Variants in UGT2A3 observed in about 807,000 individuals in gnomAD.
UGT2A3 encodes the protein UDP-glucuronosyltransferase 2A3.
UGT2A3 carries 55 observed loss-of-function variants against 44.1 expected under a neutral mutation model. The observed-to-expected ratio is 1.25, with a 90% CI of 1.00 to 1.56. UGT2A3 has a LOEUF of 1.56. Ranked by LOEUF, UGT2A3 falls within the 40% of genes most tolerant of loss-of-function variation. The pLI, the probability that UGT2A3 is intolerant of heterozygous loss-of-function variation, is 0.00. For synonymous variants in UGT2A3, 243 were observed against 215.1 expected (o/e 1.13, Z -1.13); for missense variants, 733 against 621.6 (o/e 1.18, Z -1.91).
At chr4:68,933,211 CAGA>C (rs1417652070) in intron 2 of UGT2A3, among the ~76,000 whole-genome samples, 1 of 151,944 alleles carries the variant, frequency 6.6e-6, no homozygotes, top group African/African-American at 2.4e-5. Flanking sequence ...CACCAGAGCT[CAGA>C]AGAAAAGTGA....
At chr4:68,933,017 A>G (rs1234031840) in intron 2 of UGT2A3, among the ~76,000 whole-genome samples, 1 of 152,048 alleles carries the variant, frequency 6.6e-6, no homozygotes, top group Non-Finnish European at 1.5e-5. Flanking sequence ...AGTAATGAGT[A>G]CATCTCTTTT....
chr4:68,947,479 T>G (rs1037078046), intron 1 of UGT2A3, among the ~76,000 whole-genome samples: 2 of 151,822 alleles, frequency 1.3e-5, no homozygotes, highest in East Asian at 3.9e-4. Flanking sequence ...TCACATGATG[T>G]CTTCAATCCC....
chr4:68,935,272 G>GTGTATATATA (rs1388458483), intron 2 of UGT2A3, among the ~76,000 whole-genome samples: 3 of 89,284 alleles, frequency 3.4e-5, no homozygotes, highest in East Asian at 4.0e-4. Context: ...ATGTATGTAT[G>GTGTATATATA]TATGTATATA....
At chr4:68,936,169 C>G (rs1455329561) in intron 2 of UGT2A3, among the ~76,000 whole-genome samples, 3 of 152,028 alleles carry the variant, frequency 2.0e-5, no homozygotes, top group African/African-American at 7.2e-5. Flanking sequence ...ACTTTCCCAA[C>G]CTAGCGAGGC....
intron 4 of UGT2A3, 92 bp from the exon 5 acceptor site, chr4:68,930,857 T>A: frequency 8.9e-7 from 1 of 1,122,404 alleles, no homozygotes. Flanking sequence ...ACGAGATAAC[T>A]CACTGAAGCG....
At position 68,938,257 on chromosome 4, in the gene UGT2A3, A is replaced by G. The variant is rs540203084; in HGVS notation, c.865-5498T>C. Among the ~76,000 whole-genome samples the G allele has an allele frequency of 1.1e-3, 162 of 152,248 alleles. 1 individual carries two copies. Among genetic ancestry groups the G allele is most frequent in the Middle Eastern group, 0.01 (3 of 294 alleles). On this transcript the variant is annotated intron_variant, in intron 2 of 5. Coordinates refer to ENST00000251566, the MANE Select transcript of UGT2A3 (RefSeq NM_024743.4). ...AGCCTGGCAGAGACACAACAAAAAA[A>G]GAGAATTTTAGACCAATATCTCTGA...
chr4:68,930,727 T>C lies in UGT2A3; in HGVS notation c.1123A>G (p.Met375Val). Residue 375 changes from methionine (M) to valine (V), a missense_variant, in exon 5 of 6, where the codon ATG (methionine) becomes GTG (valine). By Grantham distance (21) the Met-to-Val change is conservative. Coordinates refer to ENST00000251566, the MANE Select transcript of UGT2A3 (RefSeq NM_024743.4). ...TAAATAGCTTCATAGATCCCATTCA[T>C]TCCACCATGAGTGATAAAAGCTTTG... ...KTKAFITHGGMNGIYEAIYHG... is the reference protein window; with the variant it reads ...KTKAFITHGGVNGIYEAIYHG... The C allele has an allele frequency of 6.2e-7, 1 of 1,611,584 alleles. No homozygotes were observed. The highest frequency in any genetic ancestry group is 8.5e-7 in the Non-Finnish European group (1 of 1,178,850).
chr4:68,931,576 T>C (rs1485343729), intron 3 of UGT2A3, among the ~76,000 whole-genome samples: 1 of 152,064 alleles, frequency 6.6e-6, no homozygotes, highest in Non-Finnish European at 1.5e-5. Flanking sequence ...TATAAGTACC[T>C]GATCTGTGTG....
rs1397178938 is a variant in UGT2A3, at chr4:68,928,816, T to G, written c.*997A>C. On this transcript the variant is annotated 3_prime_UTR_variant, in exon 6 of 6. Coordinates refer to ENST00000251566, the MANE Select transcript of UGT2A3 (RefSeq NM_024743.4). ...ATGCAGGTTTTCTAATACCTTAAATTTTTACTATGTAAGCAATTATTTGAT... is the reference window on the plus strand; with the variant it reads ...ATGCAGGTTTTCTAATACCTTAAATGTTTACTATGTAAGCAATTATTTGAT... The G allele has an allele frequency of 6.6e-6, 1 of 151,938 alleles. No individual in the cohort carries two copies. The highest frequency in any genetic ancestry group is 6.6e-5 in the Admixed American group (1 of 15,236). The allele number at this position is 151,938 out of a possible 1,614,324, so 9.4% of individuals were successfully genotyped here. A position where few individuals can be genotyped will look rare whatever the true frequency, so the allele number is the denominator to read the frequency against.
At position 68,928,972 on chromosome 4, in the gene UGT2A3, A is replaced by T. The variant is rs1388500160; in HGVS notation, c.*841T>A. ...GAGATAAGAATTATGAGTATTCATC[A>T]TTTTTAAAGAATAAACATATAAATC... On this transcript the variant is annotated 3_prime_UTR_variant, in exon 6 of 6. Transcript: ENST00000251566. The T allele has an allele frequency of 6.6e-6, 1 of 152,072 alleles. No individual in the cohort carries two copies. Among genetic ancestry groups the T allele is most frequent in the African/African-American group, 2.4e-5 (1 of 41,438 alleles). 9.4% of individuals were successfully genotyped at this position (152,072 alleles called of 1,614,324 possible). A position where few individuals can be genotyped will look rare whatever the true frequency, so the allele number is the denominator to read the frequency against.
chr4:68,932,843 A>C (rs552555637), intron 2 of UGT2A3, 84 bp from the exon 3 acceptor site: 2 of 1,340,052 alleles, frequency 1.5e-6, no homozygotes, highest in Non-Finnish European at 2.1e-6. Flanking sequence ...TAAAATAAAT[A>C]CTTGAGAAAT....
chr4:68,936,305 G>A (rs1380941388), intron 2 of UGT2A3, among the ~76,000 whole-genome samples: 1 of 152,206 alleles, frequency 6.6e-6, no homozygotes, highest in African/African-American at 2.4e-5. Context: ...GCTAAAAGCA[G>A]CCAGAGAGAA....
chr4:68,940,809 G>A (rs1189188241), intron 2 of UGT2A3, among the ~76,000 whole-genome samples: 1 of 66,452 alleles, frequency 1.5e-5, no homozygotes, highest in Non-Finnish European at 5.1e-5. Flanking sequence ...CACATATATA[G>A]CATAGATATC....
intron 2 of UGT2A3, among the ~76,000 whole-genome samples, chr4:68,939,081 C>T (rs1211470297): frequency 6.6e-6 from 1 of 152,118 alleles, no homozygotes; most frequent in Non-Finnish European, 1.5e-5. Flanking sequence ...ATTCCATGCT[C>T]ATGGATAGGA....
At chr4:68,946,254 TA>T (rs901506226) in intron 1 of UGT2A3, among the ~76,000 whole-genome samples, 9 of 151,732 alleles carry the variant, frequency 5.9e-5, no homozygotes, top group Admixed American at 2.0e-4. Flanking sequence ...TTGCAAGTGA[TA>T]AAAAGATAAA....
rs186721998 is a variant in UGT2A3, at chr4:68,938,507, T to C, written c.865-5748A>G. On this transcript the variant is annotated intron_variant, in intron 2 of 5. Coordinates refer to ENST00000251566, the MANE Select transcript of UGT2A3 (RefSeq NM_024743.4). Reference sequence around the variant, plus strand: ...CACCTTCAACAAAATTCAACACCCTTCATGCTAGTAACTCTCAATAAACTA... The same window carrying C: ...CACCTTCAACAAAATTCAACACCCTCCATGCTAGTAACTCTCAATAAACTA... Among the ~76,000 whole-genome samples, 7 of 152,228 alleles carry C rather than the reference T, an allele frequency of 4.6e-5. 1 individual carries two copies. Among genetic ancestry groups the C allele is most frequent in the African/African-American group, 1.7e-4 (7 of 41,554 alleles).
intron 2 of UGT2A3, among the ~76,000 whole-genome samples, chr4:68,938,268 G>C (rs1056153843): frequency 6.6e-6 from 1 of 151,970 alleles, no homozygotes; most frequent in Non-Finnish European, 1.5e-5. Flanking sequence ...GAGAATTTTA[G>C]ACCAATATCT....
chr4:68,931,467 A>G (rs1305812629), intron 3 of UGT2A3, among the ~76,000 whole-genome samples: 1 of 152,082 alleles, frequency 6.6e-6, no homozygotes, highest in Admixed American at 6.6e-5. Flanking sequence ...TTATTATTTT[A>G]TTACCAATTA....
chr4:68,935,929 T>C (rs1717934836), intron 2 of UGT2A3, among the ~76,000 whole-genome samples: 1 of 151,882 alleles, frequency 6.6e-6, no homozygotes, highest in South Asian at 2.1e-4. Context: ...CAAGCTTCAA[T>C]AGCCGATTTG....
Sources: allele counts gnomAD v4.1 joint callset (sites outside exome capture counted in the v4.1 genomes callset), GRCh38; gene constraint gnomAD v4.1.1; transcripts MANE v1.5; gene names NCBI Gene and HGNC (gene_info 2026-07-23, HGNC 2026-07-21).